Variants in HMCN1 observed in about 807,000 individuals in gnomAD.
HMCN1 encodes hemicentin 1.
Under a neutral mutation model 625.9 loss-of-function variants are expected in HMCN1, and 321 were observed. The observed-to-expected ratio is 0.51, with a 90% confidence interval of 0.47 to 0.56. The LOEUF (loss-of-function observed/expected upper bound fraction) is 0.56, where lower values mean the gene tolerates loss of function less well. HMCN1 is among the 20% of genes least tolerant of loss of function. The pLI is 0.00. For synonymous variants in HMCN1, 2,425 were observed against 2,417.6 expected (o/e 1.00, Z -0.09); for missense variants, 6,588 against 6,887.3 (o/e 0.96, Z 1.54).
chr1:185,770,567 A>G (rs537763704), intron 1 of HMCN1, among the ~76,000 whole-genome samples: 134 of 152,316 alleles, frequency 8.8e-4, no homozygotes, highest in African/African-American at 3.1e-3. Flanking sequence ...CCTAAATGCA[A>G]ACAGGAGTTT....
intron 80 of HMCN1, 72 bp downstream of exon 80, chr1:186,120,217 C>A: frequency 1.3e-6 from 2 of 1,500,944 alleles, no homozygotes; most frequent in Non-Finnish European, 9.1e-7. Flanking sequence ...ATTTATATAT[C>A]TAAAATGATT....
Position 185,997,533 on chromosome 1 carries a change from T to C in HMCN1, c.3874+9T>C, listed in dbSNP as rs1316622638. On this transcript the variant is annotated intron_variant, in intron 25 of 106. Transcript: ENST00000271588. ...TCCATGTCCTGCAAAAGGTACGTAA[T>C]ACTGAAAGATATAGGCATTGGCATA... 5.8e-6 allele frequency: 9 copies of C among 1,562,890 alleles called. No individual in the cohort carries two copies. The highest frequency in any genetic ancestry group is 7.9e-6 in the Non-Finnish European group (9 of 1,134,046).
chr1:186,146,012 C>A, intron 93 of HMCN1, 89 bp downstream of exon 93: 1 of 1,327,940 alleles, frequency 7.5e-7, no homozygotes, highest in Non-Finnish European at 1.1e-6. Context: ...CAATGCCAAC[C>A]CTGAGAGGTG....
intron 4 of HMCN1, among the ~76,000 whole-genome samples, chr1:185,873,363 T>C (rs1663743724): frequency 6.6e-6 from 1 of 152,154 alleles, no homozygotes; most frequent in Admixed American, 6.5e-5. Flanking sequence ...TTATTTTTAC[T>C]GGAGTTGTGG....
chr1:185,989,587 G>A lies in HMCN1; in HGVS notation c.3148G>A (p.Val1050Ile). Reference sequence around the variant, plus strand: ...TGGAGGAGAGGAGAGTGGGGAGTATGTCTGCACTGCCACCAATACAGCCGG... The same window carrying A: ...TGGAGGAGAGGAGAGTGGGGAGTATATCTGCACTGCCACCAATACAGCCGG... ...SPGGEESGEYVCTATNTAGYA... is the reference protein window; with the variant it reads ...SPGGEESGEYICTATNTAGYA... Residue 1050 changes from valine (V) to isoleucine (I), a missense_variant, in exon 21 of 107, where the codon GTC becomes ATC. Val to Ile is a conservative substitution (Grantham distance 29). Coordinates refer to ENST00000271588, the MANE Select transcript of HMCN1 (RefSeq NM_031935.3). The A allele has an allele frequency of 6.2e-7, 1 of 1,613,988 alleles. No homozygotes were observed. The highest frequency in any genetic ancestry group is 8.5e-7 in the Non-Finnish European group (1 of 1,179,950).
chr1:186,078,200 A>AATATGATGTCCGTGTACTCGGTGAG lies in HMCN1; in HGVS notation c.8580_8599+5dup, dbSNP rs1558202339. 6.2e-7 allele frequency: 1 copy of AATATGATGTCCGTGTACTCGGTGAG among 1,610,918 alleles called. No individual in the cohort carries two copies. The highest frequency in any genetic ancestry group is 8.5e-7 in the Non-Finnish European group (1 of 1,177,344). Reference sequence around the variant, plus strand: ...AATGAGGCTGGAGAAGATTCCCTTCAATATGATGTCCGTGTACTCGGTGAG... The same window carrying AATATGATGTCCGTGTACTCGGTGAG: ...AATGAGGCTGGAGAAGATTCCCTTCAATATGATGTCCGTGTACTCGGTGAGATATGATGTCCGTGTACTCGGTGAG... On this transcript the variant is annotated frameshift_variant, in exon 55 of 107. Coordinates refer to ENST00000271588, the MANE Select transcript of HMCN1 (RefSeq NM_031935.3). LOFTEE classifies it high-confidence loss of function.
intron 1 of HMCN1, among the ~76,000 whole-genome samples, chr1:185,775,115 G>T (rs896819691): frequency 2.0e-5 from 3 of 152,210 alleles, no homozygotes; most frequent in Non-Finnish European, 4.4e-5. Context: ...AGGTCAGGTA[G>T]ATTTTTAGTG....
chr1:185,893,177 G>T (rs577592467), intron 4 of HMCN1, among the ~76,000 whole-genome samples: 2 of 152,280 alleles, frequency 1.3e-5, no homozygotes, highest in South Asian at 4.1e-4. Flanking sequence ...GCTCACGCAC[G>T]GTGCCTGCAC....
At position 185,865,853 on chromosome 1, in the gene HMCN1, A is replaced by T; in HGVS notation, c.611A>T (p.Gln204Leu). The change falls in exon 4 of 107, where the codon CAA becomes CTA. Residue 204 changes from glutamine to leucine, a missense_variant. Physicochemically the swap from Gln to Leu is moderately radical, Grantham distance 113. This residue lies in a region of HMCN1 where 4,628 missense variants were observed against 4,853.1 expected (regional missense o/e 0.95). Coordinates refer to ENST00000271588, the MANE Select transcript of HMCN1 (RefSeq NM_031935.3). ...SGQVFHLDKK[Q>L]VNEVLKWVEE... Reference sequence around the variant, plus strand: ...CAAGTGTTCCATCTGGACAAAAAACAAGTTAATGAGGTCAGTTTAATAAAG... The same window carrying T: ...CAAGTGTTCCATCTGGACAAAAAACTAGTTAATGAGGTCAGTTTAATAAAG... 1 of 1,613,652 alleles carries T rather than the reference A, an allele frequency of 6.2e-7. No homozygotes were observed. The highest frequency in any genetic ancestry group is 8.5e-7 in the Non-Finnish European group (1 of 1,179,836).
At position 186,014,318 on chromosome 1, in the gene HMCN1, TTA is replaced by T. The variant is rs954979915; in HGVS notation, c.4631-827_4631-826del. On this transcript the variant is annotated intron_variant, in intron 30 of 106. Coordinates refer to ENST00000271588, the MANE Select transcript of HMCN1 (RefSeq NM_031935.3). ...TATTGATACTTAAAAGTTTATAAGA[TTA>T]TATATATATATATTTTATTATACTT... Among the ~76,000 whole-genome samples the T allele has an allele frequency of 8.0e-5, 12 of 150,218 alleles. No homozygotes were observed. The Middle Eastern group carries it at 0.011, about 133-fold the overall frequency.
chr1:186,096,821 G>A (rs966417596), intron 68 of HMCN1, among the ~76,000 whole-genome samples: 13 of 152,056 alleles, frequency 8.5e-5, no homozygotes, highest in African/African-American at 2.9e-4. Flanking sequence ...TGCGAAAAAA[G>A]CATTTGATGA....
At chr1:186,014,425 T>C (rs1654217741) in intron 30 of HMCN1, among the ~76,000 whole-genome samples, 1 of 151,998 alleles carries the variant, frequency 6.6e-6, no homozygotes. Context: ...AAGATTATAT[T>C]GATACTCAAA....
chr1:185,975,359 A>G (rs1473200013), intron 15 of HMCN1, among the ~76,000 whole-genome samples: 1 of 152,178 alleles, frequency 6.6e-6, no homozygotes, highest in African/African-American at 2.4e-5. Context: ...ACTTATAATC[A>G]TGGCAGAAGG....
intron 21 of HMCN1, 114 bp from the exon 22 acceptor site, chr1:185,990,161 T>C: frequency 2.1e-6 from 2 of 969,546 alleles, no homozygotes; most frequent in South Asian, 1.3e-5. Context: ...ATGTCCTGAA[T>C]AGCATCTTTT....
intron 4 of HMCN1, among the ~76,000 whole-genome samples, chr1:185,890,442 G>T (rs1269126359): frequency 2.8e-5 from 4 of 145,342 alleles, no homozygotes; most frequent in Non-Finnish European, 4.4e-5. Flanking sequence ...TCTCTTGTGG[G>T]CATTTAGTGC....
chr1:185,882,248 G>C (rs1664354094), intron 4 of HMCN1, among the ~76,000 whole-genome samples: 2 of 152,168 alleles, frequency 1.3e-5, no homozygotes, highest in Admixed American at 1.3e-4. Context: ...TGCAGTTATG[G>C]AATGAAGCAA....
intron 70 of HMCN1, among the ~76,000 whole-genome samples, chr1:186,107,205 C>A (rs1660650278): frequency 6.6e-6 from 1 of 152,190 alleles, no homozygotes; most frequent in Admixed American, 6.5e-5. Context: ...CCTGCCTCAG[C>A]CTCCTGAGTA....
chr1:186,083,920 C>T (rs1468528699), intron 57 of HMCN1, among the ~76,000 whole-genome samples: 2 of 152,158 alleles, frequency 1.3e-5, no homozygotes, highest in Non-Finnish European at 2.9e-5. Context: ...AGCAGGAACA[C>T]ATGTGTTATG....
At chr1:185,877,408 AGTTTT>A (rs1480162943) in intron 4 of HMCN1, among the ~76,000 whole-genome samples, 1 of 119,050 alleles carries the variant, frequency 8.4e-6, no homozygotes, top group Non-Finnish European at 1.6e-5. Context: ...TGATGCCTCT[AGTTTT>A]GTTCTTTTTG....
Sources: allele counts gnomAD v4.1 joint callset (sites outside exome capture counted in the v4.1 genomes callset), GRCh38; gene constraint gnomAD v4.1.1; regional missense constraint gnomAD v4.1.1; transcripts MANE v1.5; gene names NCBI Gene and HGNC (gene_info 2026-07-23, HGNC 2026-07-21).